The following EYS variants were observed in gnomAD, a reference collection of about 807,000 sequenced individuals.
The protein encoded by EYS is protein eyes shut homolog.
Under a neutral mutation model 282.1 loss-of-function variants are expected in EYS, and 250 were observed. The ratio of observed to expected loss-of-function variants is 0.89; its 90% confidence interval spans 0.80 to 0.98. The LOEUF is 0.98. Ranked by LOEUF, EYS falls within the 50% of genes least tolerant of loss-of-function variation. The pLI is 0.00. For synonymous variants in EYS, 1,355 were observed against 1,282.9 expected (o/e 1.06, Z -1.20); for missense variants, 4,016 against 3,709.0 (o/e 1.08, Z -2.15).
chr6:65,225,106 C>A (rs1190418980), intron 12 of EYS, among the ~76,000 whole-genome samples: 1 of 151,688 alleles, frequency 6.6e-6, no homozygotes, highest in Non-Finnish European at 1.5e-5. Flanking sequence ...ATACCAAAGT[C>A]AAACAAAAGG....
At chr6:63,905,936 C>A (rs1044241791) in intron 35 of EYS, among the ~76,000 whole-genome samples, 6 of 152,104 alleles carry the variant, frequency 3.9e-5, no homozygotes, top group Non-Finnish European at 7.4e-5. Flanking sequence ...CAGAAAAAAA[C>A]ATTTCTCCTG....
intron 22 of EYS, among the ~76,000 whole-genome samples, chr6:64,721,464 A>G (rs1771578360): frequency 6.6e-6 from 1 of 152,174 alleles, no homozygotes; most frequent in Non-Finnish European, 1.5e-5. Context: ...AGAGCAGGAA[A>G]TGAGATTTAT....
intron 18 of EYS, among the ~76,000 whole-genome samples, chr6:64,900,176 A>T (rs577711630): frequency 6.6e-6 from 1 of 152,360 alleles, no homozygotes; most frequent in South Asian, 2.1e-4. Flanking sequence ...CTGGTTAGCC[A>T]TATGCAGAAC....
chr6:64,077,021 T>G (rs1771796391), intron 32 of EYS, among the ~76,000 whole-genome samples: 1 of 151,940 alleles, frequency 6.6e-6, no homozygotes, highest in Admixed American at 6.6e-5. Context: ...GCACTCAGAA[T>G]TTGTTGAATT....
chr6:63,751,168 G>T (rs1582170383), intron 41 of EYS, among the ~76,000 whole-genome samples: 1 of 151,958 alleles, frequency 6.6e-6, no homozygotes, highest in African/African-American at 2.4e-5. Flanking sequence ...TGGACTCAAA[G>T]CTTAGTCTAT....
chr6:64,802,303 G>A (rs761664465), intron 22 of EYS, among the ~76,000 whole-genome samples: 9 of 151,548 alleles, frequency 5.9e-5, no homozygotes, highest in Admixed American at 5.9e-4. Flanking sequence ...CATCCGCCTC[G>A]GCTTCCCTAA....
intron 12 of EYS, among the ~76,000 whole-genome samples, chr6:65,121,926 T>A (rs917687015): frequency 6.6e-6 from 1 of 152,108 alleles, no homozygotes; most frequent in Non-Finnish European, 1.5e-5. Context: ...TATAGCTAAT[T>A]TATTTTTGTT....
At chr6:64,450,748 T>A (rs1775299781) in intron 26 of EYS, among the ~76,000 whole-genome samples, 1 of 152,150 alleles carries the variant, frequency 6.6e-6, no homozygotes, top group South Asian at 2.1e-4. Context: ...AACCTGCTCC[T>A]GAATGACTAC....
intron 15 of EYS, among the ~76,000 whole-genome samples, chr6:64,923,445 A>C (rs1324952605): frequency 6.6e-6 from 1 of 152,180 alleles, no homozygotes; most frequent in African/African-American, 2.4e-5. Context: ...GGATATAGTC[A>C]AACCATATCA....
chr6:64,161,710 A>C (rs1292463503), intron 31 of EYS, among the ~76,000 whole-genome samples: 2 of 152,278 alleles, frequency 1.3e-5, no homozygotes, highest in African/African-American at 2.4e-5. Context: ...TTCATTAGAA[A>C]ATGATTTTAA....
intron 12 of EYS, among the ~76,000 whole-genome samples, chr6:65,092,469 G>A (rs951341730): frequency 6.6e-6 from 1 of 152,080 alleles, no homozygotes; most frequent in Admixed American, 6.6e-5. Context: ...CTATGCAATT[G>A]CAAATGCAAA....
At chr6:64,386,518 C>G (rs1200978112) in intron 29 of EYS, among the ~76,000 whole-genome samples, 2 of 152,144 alleles carry the variant, frequency 1.3e-5, no homozygotes, top group Non-Finnish European at 2.9e-5. Context: ...ATTCAATTAT[C>G]TCCACCTGGC....
chr6:65,298,519 C>A (rs145918489), intron 11 of EYS, among the ~76,000 whole-genome samples: 5 of 151,958 alleles, frequency 3.3e-5, no homozygotes, highest in African/African-American at 1.2e-4. Context: ...TTTTATTGAG[C>A]TTTAATGTCC....
At chr6:65,254,243 C>T (rs760305793) in intron 12 of EYS, among the ~76,000 whole-genome samples, 4 of 151,796 alleles carry the variant, frequency 2.6e-5, no homozygotes, top group Non-Finnish European at 4.4e-5. Flanking sequence ...CCAGTGCACA[C>T]ATAGAAAACA....
Position 63,720,362 on chromosome 6 carries a change from C to G in EYS, c.*234G>C, listed in dbSNP as rs1426059521. ...AATAAGCACATTCTGTGAATAAGCA[C>G]TGAACTAATGGAGTTAAAACATGAA... On this transcript the variant is annotated 3_prime_UTR_variant, in exon 43 of 43. Transcript: ENST00000503581. 9.1e-6 allele frequency: 4 copies of G among 440,260 alleles called. No individual in the cohort carries two copies. The highest frequency in any genetic ancestry group is 6.1e-5 in the African/African-American group (3 of 48,952). 27.3% of individuals were successfully genotyped at this position (440,260 alleles called of 1,614,324 possible).
intron 28 of EYS, among the ~76,000 whole-genome samples, chr6:64,435,005 T>A (rs1462212907): frequency 6.6e-6 from 1 of 151,954 alleles, no homozygotes; most frequent in South Asian, 2.1e-4. Context: ...TCCCTACAGA[T>A]GATGGTCATC....
intron 15 of EYS, among the ~76,000 whole-genome samples, chr6:64,937,858 C>T (rs1328614568): frequency 2.0e-5 from 3 of 151,368 alleles, no homozygotes; most frequent in Non-Finnish European, 4.4e-5. Flanking sequence ...TCATAATAGT[C>T]AAAAAGTTGT....
At chr6:65,265,265 C>A (rs1489467382) in intron 12 of EYS, among the ~76,000 whole-genome samples, 1 of 152,024 alleles carries the variant, frequency 6.6e-6, no homozygotes, top group Non-Finnish European at 1.5e-5. Flanking sequence ...AAAAAGAAAT[C>A]TCTAAAGAAA....
At chr6:64,176,154 G>A (rs1280255408) in intron 31 of EYS, among the ~76,000 whole-genome samples, 1 of 152,100 alleles carries the variant, frequency 6.6e-6, no homozygotes, top group African/African-American at 2.4e-5. Context: ...ATATGGTCCA[G>A]TGGGGATGGG....
Sources: allele counts gnomAD v4.1 joint callset (sites outside exome capture counted in the v4.1 genomes callset), GRCh38; gene constraint gnomAD v4.1.1; transcripts MANE v1.5; gene names NCBI Gene and HGNC (gene_info 2026-07-23, HGNC 2026-07-21).